Variants in AK9 observed in about 807,000 individuals in gnomAD.
AK9 encodes the protein adenylate kinase 9.
Under a neutral mutation model 239.6 loss-of-function variants are expected in AK9, and 191 were observed. The observed-to-expected ratio is 0.80, with a 90% CI of 0.71 to 0.90. The LOEUF is 0.90. Among genes scored for constraint, AK9 ranks in the 40% least tolerant of loss-of-function variants. AK9 has a pLI of 0.00. For synonymous variants in AK9, 689 were observed against 721.0 expected (o/e 0.96, Z 0.71); for missense variants, 1,995 against 2,214.7 (o/e 0.90, Z 1.99).
At chr6:109,556,601 T>C (rs566141359) in intron 24 of AK9, among the ~76,000 whole-genome samples, 1 of 152,300 alleles carries the variant, frequency 6.6e-6, no homozygotes, top group Non-Finnish European at 1.5e-5. Context: ...GAAGTGTGTT[T>C]TCCAGCTTGT....
chr6:109,577,666 A>G (rs990897636), intron 20 of AK9, among the ~76,000 whole-genome samples: 2 of 151,972 alleles, frequency 1.3e-5, no homozygotes, highest in Non-Finnish European at 2.9e-5. Flanking sequence ...GCTACTTGTT[A>G]TTGGTCTGTT....
intron 17 of AK9, among the ~76,000 whole-genome samples, chr6:109,608,692 G>T (rs1330823549): frequency 6.6e-6 from 1 of 152,022 alleles, no homozygotes; most frequent in African/African-American, 2.4e-5. Flanking sequence ...AACATGAAAA[G>T]CACTAACTAC....
intron 17 of AK9, among the ~76,000 whole-genome samples, chr6:109,598,447 C>T (rs1360054073): frequency 6.6e-6 from 1 of 152,090 alleles, no homozygotes; most frequent in Non-Finnish European, 1.5e-5. Flanking sequence ...TGTATATGTG[C>T]CACATTTTCT....
At chr6:109,679,580 T>C (rs544165679) in intron 1 of AK9, among the ~76,000 whole-genome samples, 3 of 152,282 alleles carry the variant, frequency 2.0e-5, no homozygotes, top group African/African-American at 7.2e-5. Flanking sequence ...GCAGGGGATC[T>C]CCTAGCACAG....
intron 9 of AK9, among the ~76,000 whole-genome samples, chr6:109,644,222 C>T (rs1421890639): frequency 6.6e-6 from 1 of 152,156 alleles, no homozygotes; most frequent in African/African-American, 2.4e-5. Flanking sequence ...TCTCCACATC[C>T]TCACCAACAC....
intron 17 of AK9, among the ~76,000 whole-genome samples, chr6:109,597,740 C>T (rs1415493707): frequency 6.6e-6 from 1 of 151,334 alleles, no homozygotes; most frequent in African/African-American, 2.4e-5. Flanking sequence ...AACTGGGGGG[C>T]ATAAGGCAGA....
intron 24 of AK9, among the ~76,000 whole-genome samples, chr6:109,556,840 T>C (rs1371464817): frequency 6.6e-6 from 1 of 152,068 alleles, no homozygotes; most frequent in Non-Finnish European, 1.5e-5. Flanking sequence ...TCTCATGCTG[T>C]GTTTTTCAGC....
intron 33 of AK9, among the ~76,000 whole-genome samples, chr6:109,507,480 T>C (rs930304236): frequency 6.6e-6 from 1 of 152,072 alleles, no homozygotes; most frequent in Non-Finnish European, 1.5e-5. Context: ...GGACCTATGA[T>C]GCATGCCTCT....
chr6:109,534,642 T>C (rs2128137412), intron 27 of AK9, among the ~76,000 whole-genome samples: 1 of 152,140 alleles, frequency 6.6e-6, no homozygotes, highest in East Asian at 1.9e-4. Flanking sequence ...AGGGTACATG[T>C]GCACAACGTG....
chr6:109,570,455 A>G (rs1176080028), intron 21 of AK9, among the ~76,000 whole-genome samples: 2 of 151,992 alleles, frequency 1.3e-5, no homozygotes, highest in African/African-American at 4.8e-5. Flanking sequence ...AAGAAAAACC[A>G]CCTATAGAAT....
At chr6:109,579,434 C>A in intron 20 of AK9, 116 bp downstream of exon 20, 1 of 938,026 alleles carries the variant, frequency 1.1e-6, no homozygotes, top group Non-Finnish European at 1.6e-6. Flanking sequence ...TAAACCTGGG[C>A]TCTCATGGAC....
intron 20 of AK9, chr6:109,579,257 G>A (rs886815739): frequency 2.8e-4 from 68 of 243,766 alleles, no homozygotes; most frequent in African/African-American, 1.4e-3. Context: ...AAGACAAGCC[G>A]TGTGTGCTAT....
intron 35 of AK9, among the ~76,000 whole-genome samples, chr6:109,504,614 G>A: frequency 6.6e-6 from 1 of 151,944 alleles, no homozygotes; most frequent in East Asian, 1.9e-4. Flanking sequence ...TTTGAGCCCA[G>A]CCTGGTCAAC....
intron 27 of AK9, among the ~76,000 whole-genome samples, chr6:109,534,115 T>C (rs1781639308): frequency 6.6e-6 from 1 of 151,796 alleles, no homozygotes; most frequent in Non-Finnish European, 1.5e-5. Flanking sequence ...AAGATGATTA[T>C]ATTCAAATGG....
At chr6:109,633,412 G>T in intron 10 of AK9, 89 bp from the exon 11 acceptor site, 1 of 1,324,468 alleles carries the variant, frequency 7.6e-7, no homozygotes, top group Non-Finnish European at 1.0e-6. Flanking sequence ...ATTTTATAGT[G>T]CTTTACTATT....
At chr6:109,499,456 T>A (rs1777381262) in intron 35 of AK9, among the ~76,000 whole-genome samples, 1 of 152,188 alleles carries the variant, frequency 6.6e-6, no homozygotes, top group Non-Finnish European at 1.5e-5. Context: ...TTTGTATCTT[T>A]TTCAGTCTTT....
chr6:109,603,801 C>A (rs1273243411), intron 17 of AK9, among the ~76,000 whole-genome samples: 1 of 152,218 alleles, frequency 6.6e-6, no homozygotes, highest in Non-Finnish European at 1.5e-5. Flanking sequence ...CTCACTGGCA[C>A]ATTGCAGTTC....
intron 13 of AK9, among the ~76,000 whole-genome samples, chr6:109,617,674 A>C (rs1321322463): frequency 6.6e-6 from 1 of 152,234 alleles, no homozygotes. Context: ...ATTAGAAAGA[A>C]GTATTATTTT....
intron 27 of AK9, among the ~76,000 whole-genome samples, chr6:109,541,378 C>T (rs529328414): frequency 1.3e-5 from 2 of 152,208 alleles, no homozygotes; most frequent in South Asian, 4.1e-4. Flanking sequence ...TATGTAATAA[C>T]ATTTCTTATG....
Sources: allele counts gnomAD v4.1 joint callset (sites outside exome capture counted in the v4.1 genomes callset), GRCh38; gene constraint gnomAD v4.1.1; transcripts MANE v1.5; gene names NCBI Gene and HGNC (gene_info 2026-07-23, HGNC 2026-07-21).